RHBDD1: variants seen among roughly 807,000 people sequenced by gnomAD.
The protein encoded by RHBDD1 is rhomboid domain containing 1, also known as rhomboid-related protein 4.
Under a neutral mutation model 36.3 loss-of-function variants are expected in RHBDD1, and 38 were observed. The ratio of observed to expected loss-of-function variants is 1.05; its 90% CI spans 0.81 to 1.37. RHBDD1 has a LOEUF of 1.37. RHBDD1 is among the 40% of genes most tolerant of loss of function. RHBDD1 has a pLI of 0.00. For missense variants in RHBDD1, 393 were observed against 377.6 expected, an observed-to-expected ratio of 1.04 and a Z score of -0.34; for synonymous variants, 151 against 136.5, an observed-to-expected ratio of 1.11 and a Z score of -0.74.
At chr2:226,989,771 A>C (rs1055265899) in intron 8 of RHBDD1, among the ~76,000 whole-genome samples, 3 of 152,224 alleles carry the variant, frequency 2.0e-5, no homozygotes, top group Non-Finnish European at 2.9e-5. Context: ...AAGGGTCTCC[A>C]AAATTAACCA....
At chr2:226,852,901 T>TTTATTATTGTTGTTA (rs1553543385) in intron 3 of RHBDD1, among the ~76,000 whole-genome samples, 4 of 125,204 alleles carry the variant, frequency 3.2e-5, no homozygotes, top group African/African-American at 1.3e-4. Context: ...ACCTGGCTAA[T>TTTATTATTGTTGTTA]TTATTATTAT....
chr2:226,906,963 T>C (rs1319927806), intron 6 of RHBDD1, 82 bp downstream of exon 6: 2 of 1,421,484 alleles, frequency 1.4e-6, no homozygotes, highest in African/African-American at 2.8e-5. Context: ...ACCCCAAGTT[T>C]CCCTGTGGTT....
chr2:226,922,758 G>C (rs1949413005), intron 8 of RHBDD1, among the ~76,000 whole-genome samples: 1 of 151,570 alleles, frequency 6.6e-6, no homozygotes, highest in Non-Finnish European at 1.5e-5. Flanking sequence ...TTAATTTCTT[G>C]CTTTTTATTT....
chr2:226,835,784 T>A (rs1940888757), upstream of RHBDD1: 1 of 152,312 alleles, frequency 6.6e-6, no homozygotes, highest in Admixed American at 6.5e-5. Context: ...TAAGGAATAT[T>A]ATCCACATTT....
At chr2:226,957,695 C>G (rs536781510) in intron 8 of RHBDD1, among the ~76,000 whole-genome samples, 2 of 152,230 alleles carry the variant, frequency 1.3e-5, no homozygotes, top group South Asian at 4.1e-4. Context: ...TCTTACAATT[C>G]AATAACCACA....
At chr2:226,801,050 C>T in the RHBDD1 span, among the ~76,000 whole-genome samples, 1 of 152,362 alleles carries the variant, frequency 6.6e-6, no homozygotes, top group Non-Finnish European at 1.5e-5. Context: ...AGATGTCACT[C>T]GGTTTAATGC....
At chr2:226,840,864 G>A (rs1941535294) in intron 3 of RHBDD1, among the ~76,000 whole-genome samples, 1 of 151,468 alleles carries the variant, frequency 6.6e-6, no homozygotes, top group South Asian at 2.1e-4. Flanking sequence ...TGTGTGTTTT[G>A]GCAACTACAT....
At chr2:226,850,018 T>C (rs1377739253) in intron 3 of RHBDD1, among the ~76,000 whole-genome samples, 2 of 152,254 alleles carry the variant, frequency 1.3e-5, no homozygotes, top group Non-Finnish European at 2.9e-5. Flanking sequence ...TTGTCTTAGA[T>C]TCTGCTTTTT....
chr2:226,988,651 A>T (rs1278628338), intron 8 of RHBDD1: 1 of 985,192 alleles, frequency 1.0e-6, no homozygotes, highest in Non-Finnish European at 1.2e-6. Flanking sequence ...TCTGAGAGGA[A>T]GGTAGGATTT....
At chr2:226,867,099 T>G in intron 4 of RHBDD1, 87 bp from the exon 5 acceptor site, 1 of 1,304,670 alleles carries the variant, frequency 7.7e-7, no homozygotes, top group Admixed American at 2.3e-5. Flanking sequence ...CGAATAATCA[T>G]TTTCACTTTT....
At chr2:226,862,688 T>C (rs566595757) in intron 3 of RHBDD1, among the ~76,000 whole-genome samples, 17 of 152,330 alleles carry the variant, frequency 1.1e-4, no homozygotes, top group Non-Finnish European at 1.8e-4. Context: ...CTCCCTGGCT[T>C]AGTCCGTTTA....
At chr2:226,860,812 G>A (rs1396356653) in intron 3 of RHBDD1, among the ~76,000 whole-genome samples, 1 of 152,172 alleles carries the variant, frequency 6.6e-6, no homozygotes, top group African/African-American at 2.4e-5. Flanking sequence ...ATTGGCTATG[G>A]TTATATCTCC....
intron 5 of RHBDD1, among the ~76,000 whole-genome samples, chr2:226,875,204 CATAAG>C (rs1945128614): frequency 1.3e-5 from 2 of 152,100 alleles, no homozygotes; most frequent in South Asian, 2.1e-4. Context: ...GTTGGATGGA[CATAAG>C]ATAAGGAGCA....
At chr2:226,891,878 G>C (rs909504646) in intron 5 of RHBDD1, among the ~76,000 whole-genome samples, 3 of 152,208 alleles carry the variant, frequency 2.0e-5, no homozygotes, top group African/African-American at 7.2e-5. Context: ...TGCTTCACTG[G>C]ACTGTCATCA....
intron 5 of RHBDD1, among the ~76,000 whole-genome samples, chr2:226,897,059 T>C (rs1302763379): frequency 6.6e-6 from 1 of 152,148 alleles, no homozygotes; most frequent in Non-Finnish European, 1.5e-5. Context: ...TGCCTCGGCC[T>C]CCCAAATGCT....
intron 4 of RHBDD1, among the ~76,000 whole-genome samples, chr2:226,866,769 G>A (rs375275989): frequency 2.6e-5 from 4 of 152,248 alleles, no homozygotes; most frequent in African/African-American, 4.8e-5. Flanking sequence ...GCATCTAATT[G>A]TGGGAGAAGA....
At chr2:226,946,129 CT>C (rs1950980391) in intron 8 of RHBDD1, among the ~76,000 whole-genome samples, 1 of 151,952 alleles carries the variant, frequency 6.6e-6, no homozygotes, top group African/African-American at 2.4e-5. Context: ...GTTTTTTTTG[CT>C]GTGCAGAAGC....
chr2:226,906,103 GA>G (rs1171802911), intron 5 of RHBDD1, among the ~76,000 whole-genome samples: 4 of 152,202 alleles, frequency 2.6e-5, no homozygotes, highest in Non-Finnish European at 5.9e-5. Flanking sequence ...GTAGACCTCT[GA>G]AAATAAATCT....
In RHBDD1 at chr2:226,936,578, A is replaced by G. The variant is rs565426867; in HGVS notation, c.856+22227A>G. 3.9e-5 allele frequency among the ~76,000 whole-genome samples: 6 copies of G among 152,270 alleles called. No individual in the cohort carries two copies. In the East Asian group the frequency reaches 7.7e-4, roughly 20 times the overall value. On this transcript the variant is annotated intron_variant, in intron 8 of 8. Transcript: ENST00000392062. ...TGCTGATGAGAAGATTTAACAATAA[A>G]AGCGTAAAGAAAAATGTAATGAATT...
Sources: allele counts gnomAD v4.1 joint callset (sites outside exome capture counted in the v4.1 genomes callset), GRCh38; gene constraint gnomAD v4.1.1; transcripts MANE v1.5; gene names NCBI Gene and HGNC (gene_info 2026-07-23, HGNC 2026-07-21).